Variants in ADCY7 observed in about 807,000 individuals in gnomAD.
ADCY7 encodes adenylate cyclase type 7.
In ADCY7, 72 loss-of-function variants were observed where a neutral mutation model predicts 120.6. The ratio of observed to expected loss-of-function variants is 0.60; its 90% CI spans 0.49 to 0.73. The LOEUF (loss-of-function observed/expected upper bound fraction) is 0.73, where lower values mean the gene tolerates loss of function less well. ADCY7 is among the 30% of genes least tolerant of loss of function. The probability of loss-of-function intolerance (pLI) is 0.00; values close to 1 mark genes in which losing one functional copy is unlikely to be tolerated. For synonymous variants in ADCY7, 661 were observed against 628.0 expected (o/e 1.05, Z -0.78); for missense variants, 1,227 against 1,486.0 (o/e 0.83, Z 2.87).
chr16:50,302,680 G>A (rs1253869603), intron 10 of ADCY7, among the ~76,000 whole-genome samples: 2 of 151,484 alleles, frequency 1.3e-5, no homozygotes, highest in Non-Finnish European at 2.9e-5. Context: ...GCACATCTCA[G>A]AGGGGACCTG....
At chr16:50,290,757 G>C in intron 3 of ADCY7, 97 bp downstream of exon 3, 1 of 1,352,496 alleles carries the variant, frequency 7.4e-7, no homozygotes, top group East Asian at 2.4e-5. Context: ...CCCCACGCTT[G>C]GCTGTGTGTC....
At chr16:50,250,208 C>A (rs2032712917) in intron 1 of ADCY7, among the ~76,000 whole-genome samples, 1 of 152,208 alleles carries the variant, frequency 6.6e-6, no homozygotes, top group African/African-American at 2.4e-5. Flanking sequence ...GTAATTCCAG[C>A]ACACTGGGAG....
intron 6 of ADCY7, among the ~76,000 whole-genome samples, chr16:50,294,040 C>A (rs1331544984): frequency 6.6e-6 from 1 of 152,202 alleles, no homozygotes; most frequent in African/African-American, 2.4e-5. Flanking sequence ...GCAGCGCCAG[C>A]ATTACATCCA....
intron 24 of ADCY7, 186 bp downstream of exon 24, chr16:50,314,592 A>G: frequency 1.8e-6 from 1 of 561,882 alleles, no homozygotes; most frequent in Non-Finnish European, 3.1e-6. Flanking sequence ...GTTACCATTG[A>G]GAGTTTTAAT....
intron 1 of ADCY7, among the ~76,000 whole-genome samples, chr16:50,275,916 C>T (rs2033858916): frequency 6.6e-6 from 1 of 152,178 alleles, no homozygotes; most frequent in Non-Finnish European, 1.5e-5. Flanking sequence ...TAGCCCAGCC[C>T]ATTCATGGTT....
chr16:50,291,962 G>GC (rs1567555436), intron 4 of ADCY7, 65 bp downstream of exon 4: 1 of 1,517,370 alleles, frequency 6.6e-7, no homozygotes, highest in African/African-American at 1.4e-5. Context: ...AGATGGGGGG[G>GC]CCCCCTCTGG....
intron 10 of ADCY7, among the ~76,000 whole-genome samples, chr16:50,303,880 G>GTGTGCC (rs1567569992): frequency 6.6e-6 from 1 of 152,130 alleles, no homozygotes; most frequent in African/African-American, 2.4e-5. Context: ...GAGCGAATGC[G>GTGTGCC]TGCCGGCCAC....
In ADCY7 at chr16:50,301,096, C is replaced by T. The variant is rs888316150; in HGVS notation, c.1250C>T (p.Thr417Met). The change falls in exon 10 of 26, where the codon ACG becomes ATG. Residue 417 changes from threonine (T) to methionine (M), a missense_variant. By Grantham distance (81) the Thr-to-Met change is moderately conservative. Transcript: ENST00000673801. ...AAGVPGRVHI[T>M]EATLKHLDKA... The stretch of plus-strand genomic sequence containing the variant: ...GTCTCCCGTAGCCGGGTGCACATCA[C>T]GGAGGCCACGCTAAAGCACCTGGAC... The T allele has an allele frequency of 8.1e-6, 13 of 1,613,604 alleles. 1 individual carries two copies. In the Admixed American group the frequency reaches 1.3e-4, roughly 17 times the overall value.
chr16:50,279,632 C>T (rs1176365556), intron 1 of ADCY7: 1 of 152,208 alleles, frequency 6.6e-6, no homozygotes, highest in African/African-American at 2.4e-5. Context: ...AGCTCATTTC[C>T]TGAGCAGAAT....
chr16:50,247,389 C>A (rs1343067063), intron 1 of ADCY7, among the ~76,000 whole-genome samples: 3 of 151,898 alleles, frequency 2.0e-5, no homozygotes, highest in Admixed American at 1.3e-4. Context: ...TGAAACAGGG[C>A]CTTGCTCTGT....
At position 50,315,736 on chromosome 16, in the gene ADCY7, G is replaced by C; in HGVS notation, c.*231G>C. The C allele has an allele frequency of 4.2e-6, 2 of 474,942 alleles. No homozygotes were observed. The highest frequency in any genetic ancestry group is 3.7e-6 in the Non-Finnish European group (1 of 266,996). 29.4% of individuals were successfully genotyped at this position (474,942 alleles called of 1,614,324 possible). A position where few individuals can be genotyped will look rare whatever the true frequency, so the allele number is the denominator to read the frequency against. ...AGGCCAGAAGCTCTGTGCCTGGTCT[G>C]TAACAGTTTCCAGGCCAGCTGGAGA... On this transcript the variant is annotated 3_prime_UTR_variant, in exon 26 of 26. Coordinates refer to ENST00000673801, the MANE Select transcript of ADCY7 (RefSeq NM_001114.5).
At chr16:50,281,672 C>T (rs1038664116) in intron 1 of ADCY7, among the ~76,000 whole-genome samples, 5 of 152,146 alleles carry the variant, frequency 3.3e-5, no homozygotes, top group Middle Eastern at 3.2e-3. Flanking sequence ...CCTCTTGGTA[C>T]GGGAGGTGCC....
chr16:50,272,349 C>T (rs971069093), intron 1 of ADCY7, among the ~76,000 whole-genome samples: 1 of 152,192 alleles, frequency 6.6e-6, no homozygotes, highest in South Asian at 2.1e-4. Flanking sequence ...GGGTGCCCTT[C>T]CTGCCCCTGT....
chr16:50,298,824 G>T, intron 7 of ADCY7, 80 bp from the exon 8 acceptor site: 1 of 1,541,782 alleles, frequency 6.5e-7, no homozygotes. Context: ...GGTGCACCCT[G>T]GAGGGTGGGG....
At chr16:50,305,250 G>T (rs901733430) in intron 12 of ADCY7, among the ~76,000 whole-genome samples, 19 of 152,234 alleles carry the variant, frequency 1.2e-4, no homozygotes, top group African/African-American at 4.6e-4. Context: ...GCCAATCCCG[G>T]GGGTGTAGCC....
rs759769200 is a variant in ADCY7 at position 50,301,131 on chromosome 16, G to A, written c.1285G>A (p.Glu429Lys). ...ATLKHLDKAY[E>K]VEDGHGQQRD... The stretch of plus-strand genomic sequence containing the variant: ...GCTAAAGCACCTGGACAAGGCGTAC[G>A]AGGTGGAGGATGGGCACGGGCAGCA... Residue 429 changes from glutamate to lysine, a missense_variant, in exon 10 of 26, where the codon GAG (glutamate) becomes AAG (lysine). Around this residue, in one of 5 missense-constraint regions of ADCY7, gnomAD observed 332 missense variants for 455.8 expected, o/e 0.73. Transcript: ENST00000673801. 3.7e-6 allele frequency: 6 copies of A among 1,613,884 alleles called. No individual in the cohort carries two copies. Among genetic ancestry groups the A allele is most frequent in the Middle Eastern group, 1.6e-4 (1 of 6,076 alleles).
In ADCY7 at chr16:50,299,014, C is replaced by T; in HGVS notation, c.1059C>T (p.Asp353=). The change falls in exon 8 of 26, where the codon GAC becomes GAT. Residue 353 remains aspartate, a synonymous_variant. Transcript: ENST00000673801. Reference sequence around the variant, plus strand: ...GGAACTGCGTGAAGATGGGGCTGGACATGTGCCAGGCCATCAAGTAGGTCC... The same window carrying T: ...GGAACTGCGTGAAGATGGGGCTGGATATGTGCCAGGCCATCAAGTAGGTCC... ...HARNCVKMGL[D]MCQAIKQVRE... 1.9e-6 allele frequency: 3 copies of T among 1,611,698 alleles called. No homozygotes were observed. Among genetic ancestry groups the T allele is most frequent in the Non-Finnish European group, 2.5e-6 (3 of 1,179,816 alleles).
At chr16:50,314,852 A>G in intron 24 of ADCY7, 162 bp from the exon 25 acceptor site, 1 of 940,662 alleles carries the variant, frequency 1.1e-6, no homozygotes, top group South Asian at 1.7e-5. Context: ...CTCATACCCC[A>G]AGCCCGACTG....
chr16:50,288,118 G>C lies in ADCY7; in HGVS notation c.-62G>C. On this transcript the variant is annotated 5_prime_UTR_variant, in exon 2 of 26. It removes an upstream start codon present in the reference 5' UTR. Coordinates refer to ENST00000673801, the MANE Select transcript of ADCY7 (RefSeq NM_001114.5). ...CGGGGGAGGGTGTTGGCAGACAGAT[G>C]CCCTCCAGGCCCTGGGGCCTCCTTA... The C allele has an allele frequency of 6.8e-7, 1 of 1,477,156 alleles. No individual in the cohort carries two copies. Among genetic ancestry groups the C allele is most frequent in the Non-Finnish European group, 9.0e-7 (1 of 1,108,026 alleles). The allele number at this position is 1,477,156 out of a possible 1,614,324, so 91.5% of individuals were successfully genotyped here. A position where few individuals can be genotyped will look rare whatever the true frequency, so the allele number is the denominator to read the frequency against.
Sources: allele counts gnomAD v4.1 joint callset (sites outside exome capture counted in the v4.1 genomes callset), GRCh38; gene constraint gnomAD v4.1.1; regional missense constraint gnomAD v4.1.1; transcripts MANE v1.5; gene names NCBI Gene and HGNC (gene_info 2026-07-23, HGNC 2026-07-21).